The following TBX10 variants were observed in gnomAD, a reference collection of about 807,000 sequenced individuals.
TBX10 encodes the protein T-box transcription factor TBX10.
Under a neutral mutation model 32.4 loss-of-function variants are expected in TBX10, and 26 were observed. That is an observed-to-expected ratio of 0.80 (90% CI 0.59 to 1.11). The LOEUF is 1.11. Ranked by LOEUF, TBX10 falls within the 50% of genes most tolerant of loss-of-function variation. The pLI, the probability that TBX10 is intolerant of heterozygous loss-of-function variation, is 0.00. For missense variants in TBX10, 490 were observed against 494.5 expected (o/e 0.99, Z 0.09); for synonymous variants, 195 against 203.1 (o/e 0.96, Z 0.34).
At chr11:67,634,776 A>C (rs938815619) in intron 3 of TBX10, 40 bp downstream of exon 3, 35 of 1,581,674 alleles carry the variant, frequency 2.2e-5, no homozygotes, top group Non-Finnish European at 3.0e-5. Flanking sequence ...TGGTCTCAGC[A>C]CCTGAGACCT....
intron 5 of TBX10, 128 bp downstream of exon 5, chr11:67,632,820 G>T: frequency 6.4e-7 from 1 of 1,558,690 alleles, no homozygotes; most frequent in Non-Finnish European, 8.8e-7. Flanking sequence ...GGCCTTGACT[G>T]ATGGCAGATA....
In TBX10 at chr11:67,631,546, G is replaced by C; in HGVS notation, c.*59C>G. ...GGCTGGAGGGGGCGGGGCAGAGGCTGATTCCCACACCCGGTGTAAGGTCCA... is the reference window on the plus strand; with the variant it reads ...GGCTGGAGGGGGCGGGGCAGAGGCTCATTCCCACACCCGGTGTAAGGTCCA... On this transcript the variant is annotated 3_prime_UTR_variant, in exon 8 of 8. Coordinates refer to ENST00000335385, the MANE Select transcript of TBX10 (RefSeq NM_005995.5). 1 of 1,548,690 alleles carries C rather than the reference G, an allele frequency of 6.5e-7. No individual in the cohort carries two copies. The highest frequency in any genetic ancestry group is 8.7e-7 in the Non-Finnish European group (1 of 1,153,440).
chr11:67,633,657 C>G (rs1424252732), intron 4 of TBX10, among the ~76,000 whole-genome samples: 1 of 152,270 alleles, frequency 6.6e-6, no homozygotes, highest in Non-Finnish European at 1.5e-5. Context: ...ACTGTCCCCT[C>G]TGACGGGCAT....
At chr11:67,639,393 T>TTGCC in intron 1 of TBX10, 73 bp downstream of exon 1, 1 of 726,924 alleles carries the variant, frequency 1.4e-6, no homozygotes. Context: ...CTGTCTTGGT[T>TTGCC]CCCACCCTGC....
chr11:67,639,393 T>TTGCCCCCCCGCCCCCC, intron 1 of TBX10, 73 bp downstream of exon 1: 1 of 726,926 alleles, frequency 1.4e-6, no homozygotes, highest in Non-Finnish European at 2.5e-6. Context: ...CTGTCTTGGT[T>TTGCCCCCCCGCCCCCC]CCCACCCTGC....
intron 4 of TBX10, among the ~76,000 whole-genome samples, chr11:67,633,533 G>A (rs191246865): frequency 2.5e-3 from 373 of 152,084 alleles, no homozygotes; most frequent in African/African-American, 8.3e-3. Context: ...AAGTCAGCCC[G>A]ACCCCTCAGG....
In TBX10 at chr11:67,634,154, A is replaced by G. The variant is rs553618400; in HGVS notation, c.549+35T>C. 3.7e-6 allele frequency: 6 copies of G among 1,609,066 alleles called. No homozygotes were observed. The East Asian group carries it at 8.9e-5, about 24-fold the overall frequency. ...CAAAGTCCCTACCAGCCCTGACCCC[A>G]GGCCCTTCCGTCCCCACCGTGGCCC... On this transcript the variant is annotated intron_variant, in intron 4 of 7. Coordinates refer to ENST00000335385, the MANE Select transcript of TBX10 (RefSeq NM_005995.5).
chr11:67,635,304 C>T (rs767623103), intron 1 of TBX10, 41 bp from the exon 2 acceptor site: 1 of 1,611,658 alleles, frequency 6.2e-7, no homozygotes, highest in South Asian at 1.1e-5. Flanking sequence ...ACGCATCACC[C>T]AGCCAGCTCT....
Position 67,631,594 on chromosome 11 carries a change from G to A in TBX10, c.*11C>T. 1 of 1,588,440 alleles carries A rather than the reference G, an allele frequency of 6.3e-7. No individual in the cohort carries two copies. The highest frequency in any genetic ancestry group is 8.5e-7 in the Non-Finnish European group (1 of 1,173,160). On this transcript the variant is annotated 3_prime_UTR_variant, in exon 8 of 8. Coordinates refer to ENST00000335385, the MANE Select transcript of TBX10 (RefSeq NM_005995.5). ...CCAGGGTAGCAGGGCTTCCCCCCAGGGCTTCTGGCATCACTGGGAGTCCTG... is the reference window on the plus strand; with the variant it reads ...CCAGGGTAGCAGGGCTTCCCCCCAGAGCTTCTGGCATCACTGGGAGTCCTG...
At chr11:67,633,499 C>T (rs1855272767) in intron 4 of TBX10, among the ~76,000 whole-genome samples, 1 of 152,184 alleles carries the variant, frequency 6.6e-6, no homozygotes, top group Non-Finnish European at 1.5e-5. Context: ...TTCCACCCCA[C>T]ACGGTAAAAG....
In TBX10 at chr11:67,631,751, G is replaced by A; in HGVS notation, c.1012C>T (p.Leu338=). The A allele has an allele frequency of 6.2e-7, 1 of 1,609,244 alleles. No homozygotes were observed. The change falls in exon 8 of 8, where the codon CTA becomes TTA. Residue 338 remains leucine, a synonymous_variant. Transcript: ENST00000335385. The part of the protein sequence containing the change: ...QSLYSGAPSH[L]GIPRTRPAPY... ...GCTGGTCGGGTCCTTGGGATCCCTA[G>A]GTGGCTCGGGGCTCCAGAGTACAGG...
Position 67,634,887 on chromosome 11 carries a change from G to C in TBX10, c.306C>G (p.Ile102Met), listed in dbSNP as rs753279467. 2.5e-6 allele frequency: 4 copies of C among 1,613,430 alleles called. No individual in the cohort carries two copies. The highest frequency in any genetic ancestry group is 4.5e-5 in the East Asian group (2 of 44,868). ...RRMFPPFQVK[I>M]LGMDSLADYA... ...AGTCGGCCAGGGAGTCCATGCCCAG[G>C]ATCTTCACCTGGAAGGGGGGGAACA... The change falls in exon 3 of 8, where the codon ATC becomes ATG. Residue 102 changes from isoleucine (I) to methionine (M), a missense_variant. Physicochemically the swap from Ile to Met is conservative, Grantham distance 10. This residue lies in a region of TBX10 where 307 missense variants were observed against 294.9 expected (regional missense o/e 1.04). Transcript: ENST00000335385.
intron 5 of TBX10, 53 bp from the exon 6 acceptor site, chr11:67,632,723 C>T (rs912154325): frequency 1.2e-6 from 2 of 1,608,396 alleles, no homozygotes; most frequent in African/African-American, 2.7e-5. Context: ...GCTCAGCCAC[C>T]TTGTCCTCCC....
intron 1 of TBX10, 60 bp downstream of exon 1, chr11:67,639,402 GCCCA>G (rs1855374280): frequency 3.5e-6 from 1 of 288,582 alleles, no homozygotes; most frequent in Non-Finnish European, 7.0e-6. Context: ...TTCCCACCCT[GCCCA>G]CCCACCCTGG....
upstream of TBX10, among the ~76,000 whole-genome samples, chr11:67,640,115 C>T (rs1453248706): frequency 6.6e-6 from 1 of 151,956 alleles, no homozygotes; most frequent in Non-Finnish European, 1.5e-5. Flanking sequence ...CCGGCAGATG[C>T]GCAATTGTCA....
chr11:67,640,954 G>A (rs544865537), upstream of TBX10, among the ~76,000 whole-genome samples: 8 of 152,226 alleles, frequency 5.3e-5, no homozygotes, highest in South Asian at 2.1e-4. Context: ...GAGGAGGGCC[G>A]GCCCCTGGCC....
chr11:67,640,648 C>T (rs1021634247), upstream of TBX10, among the ~76,000 whole-genome samples: 2 of 152,194 alleles, frequency 1.3e-5, no homozygotes, highest in Admixed American at 6.5e-5. Flanking sequence ...TGAGAGTGCT[C>T]GCTGGCCTTT....
Position 67,639,680 on chromosome 11 carries a change from G to T in TBX10, c.-208C>A, listed in dbSNP as rs959425710. ...TCCTGAGGTCGTGGTCTTCCTACTC[G>T]AGCTGGACCCCTGGTCTCCGAAGGT... is the stretch of plus-strand genomic sequence containing the variant. On this transcript the variant is annotated 5_prime_UTR_variant, in exon 1 of 8. Coordinates refer to ENST00000335385, the MANE Select transcript of TBX10 (RefSeq NM_005995.5). 1.5e-6 allele frequency: 1 copy of T among 661,710 alleles called. No homozygotes were observed. The highest frequency in any genetic ancestry group is 2.7e-6 in the Non-Finnish European group (1 of 370,922). The allele number at this position is 661,710 out of a possible 1,614,324, so 41.0% of individuals were successfully genotyped here.
chr11:67,632,830 A>G, intron 5 of TBX10, 118 bp downstream of exon 5: 3 of 1,574,924 alleles, frequency 1.9e-6, no homozygotes, highest in Non-Finnish European at 1.7e-6. Flanking sequence ...GATGGCAGAT[A>G]CTCAGGGCAA....
Sources: gnomAD v4.1 joint callset for allele counts (sites outside exome capture counted in the v4.1 genomes callset) on GRCh38, gnomAD v4.1.1 for gene constraint, gnomAD v4.1.1 regional missense constraint, MANE v1.5 for transcripts, NCBI Gene and HGNC (gene_info 2026-07-23, HGNC 2026-07-21) for gene names.